CFAP100: variants seen among roughly 807,000 people sequenced by gnomAD.
CFAP100 encodes cilia- and flagella-associated protein 100.
A neutral mutation model predicts 81.5 loss-of-function variants in CFAP100; 70 were observed. The ratio of observed to expected loss-of-function variants is 0.86; its 90% CI spans 0.71 to 1.05. The LOEUF is 1.05. Among genes scored for constraint, CFAP100 ranks in the 50% least tolerant of loss-of-function variants. CFAP100 has a pLI of 0.00. For missense variants in CFAP100, 811 were observed against 776.5 expected, an observed-to-expected ratio of 1.04 and a Z score of -0.53; for synonymous variants, 341 against 314.8, an observed-to-expected ratio of 1.08 and a Z score of -0.88.
At position 126,423,340 on chromosome 3, in the gene CFAP100, C is replaced by T; in HGVS notation, c.1098C>T (p.Ile366=). Reference sequence around the variant, plus strand: ...CTCTTCGCAGGTCGAACTCTCCCATCCCCCCCACGCAGGAGGACACCGACA... The same window carrying T: ...CTCTTCGCAGGTCGAACTCTCCCATTCCCCCCACGCAGGAGGACACCGACA... ...GGDSRGSNSP[I]PPTQEDTDSD... The change falls in exon 12 of 17, where the codon ATC becomes ATT. Residue 366 remains isoleucine (I), a synonymous_variant. Coordinates refer to ENST00000352312, the MANE Select transcript of CFAP100 (RefSeq NM_182628.3). The T allele has an allele frequency of 2.5e-6, 4 of 1,611,476 alleles. No individual in the cohort carries two copies. The highest frequency in any genetic ancestry group is 2.2e-5 in the East Asian group (1 of 44,834).
rs143433382 is a variant in CFAP100, at chr3:126,418,724, C to T, written c.600C>T (p.Phe200=). ...EKSLEKDAAL[F]DEFVRENDCS... is the part of the protein sequence containing the mutation. ...CCCTGGAGAAGGACGCCGCCTTGTT[C>T]GACGAGTTCGTCAGGGAGAATGACT... The change falls in exon 7 of 17, where the codon TTC becomes TTT. Residue 200 remains phenylalanine, a synonymous_variant. Coordinates refer to ENST00000352312, the MANE Select transcript of CFAP100 (RefSeq NM_182628.3). 6.6e-4 allele frequency: 1,050 copies of T among 1,595,418 alleles called. 4 individuals are homozygous for T. In the Middle Eastern group the frequency reaches 0.013, roughly 20 times the overall value.
At chr3:126,433,949 G>C in intron 14 of CFAP100, 1 of 535,070 alleles carries the variant, frequency 1.9e-6, no homozygotes, top group Non-Finnish European at 3.3e-6. Context: ...CTGGGAGAGG[G>C]GCTGGAACCA....
At chr3:126,398,224 G>T (rs1227535428) in intron 2 of CFAP100, among the ~76,000 whole-genome samples, 2 of 152,172 alleles carry the variant, frequency 1.3e-5, no homozygotes, top group Non-Finnish European at 2.9e-5. Context: ...CGGAGCTCTG[G>T]CCCTGCACCC....
rs769447471 is a variant in CFAP100, at chr3:126,418,519, C to T, written c.480C>T (p.Leu160=). The T allele has an allele frequency of 9.9e-6, 16 of 1,614,026 alleles. No individual in the cohort carries two copies. Among genetic ancestry groups the T allele is most frequent in the Non-Finnish European group, 1.1e-5 (13 of 1,180,040 alleles). ...GYIKQKRQMF[L]LQYALDVKRR... Reference sequence around the variant, plus strand: ...TTAAGCAGAAGCGGCAAATGTTCCTCCTCCAGGTAGGTCCCGTGGCCCCCA... The same window carrying T: ...TTAAGCAGAAGCGGCAAATGTTCCTTCTCCAGGTAGGTCCCGTGGCCCCCA... The change falls in exon 6 of 17, where the codon CTC becomes CTT. Residue 160 remains leucine (L), a synonymous_variant. Coordinates refer to ENST00000352312, the MANE Select transcript of CFAP100 (RefSeq NM_182628.3).
chr3:126,402,730 C>G (rs1366635731), intron 2 of CFAP100, among the ~76,000 whole-genome samples: 2 of 151,664 alleles, frequency 1.3e-5, no homozygotes, highest in Non-Finnish European at 2.9e-5. Flanking sequence ...CCTCTAGGCT[C>G]AGGAAGGCCC....
In CFAP100 at chr3:126,419,700, GC is replaced by G; in HGVS notation, c.796del (p.Leu266CysfsTer77). 1 of 1,614,078 alleles carries G rather than the reference GC, an allele frequency of 6.2e-7. No homozygotes were observed. The highest frequency in any genetic ancestry group is 8.5e-7 in the Non-Finnish European group (1 of 1,180,006). On this transcript the variant is annotated frameshift_variant, in exon 9 of 17. Transcript: ENST00000352312. LOFTEE classifies it high-confidence loss of function. ...YKVYKDFLYK[L>X]SPKEWLEEQE... ...AGGTCTATAAGGATTTCCTATACAA[GC>G]TGTCGCCCAAGGAGTGGCTTGAAGA...
chr3:126,430,530 TCTCC>T (rs776331882), intron 13 of CFAP100, among the ~76,000 whole-genome samples: 13 of 152,286 alleles, frequency 8.5e-5, no homozygotes, highest in East Asian at 1.9e-4. Flanking sequence ...CCTTTCTCTC[TCTCC>T]TTTTCCTTGA....
chr3:126,436,208 G>A, intron 16 of CFAP100, 83 bp from the exon 17 acceptor site: 1 of 1,042,370 alleles, frequency 9.6e-7, no homozygotes, highest in East Asian at 2.6e-5. Context: ...GAGCTGCTGG[G>A]CCTCTCCCTG....
At chr3:126,403,738 C>G (rs905938877) in intron 2 of CFAP100, among the ~76,000 whole-genome samples, 1 of 152,124 alleles carries the variant, frequency 6.6e-6, no homozygotes, top group South Asian at 2.1e-4. Flanking sequence ...TTTCCTATCT[C>G]TCCTGAATTA....
intron 11 of CFAP100, 37 bp downstream of exon 11, chr3:126,420,266 T>C (rs774518439): frequency 5.0e-6 from 8 of 1,607,766 alleles, no homozygotes; most frequent in Non-Finnish European, 5.9e-6. Flanking sequence ...GGCTGAGGCC[T>C]AGCGGCGAGC....
Position 126,428,655 on chromosome 3 carries a change from G to A in CFAP100, c.1287-4414G>A, listed in dbSNP as rs1467117434. On this transcript the variant is annotated intron_variant, in intron 13 of 16. Transcript: ENST00000352312. ...TCGTTTTAATGCACTGTTGAATTCT[G>A]TTTGATAGTTTTGGGATGATTTTTG... Among the ~76,000 whole-genome samples, 6 of 152,262 alleles carry A rather than the reference G, an allele frequency of 3.9e-5. No homozygotes were observed. In the East Asian group the frequency reaches 7.7e-4, roughly 20 times the overall value.
At chr3:126,398,253 C>T (rs1437486348) in intron 2 of CFAP100, among the ~76,000 whole-genome samples, 3 of 152,166 alleles carry the variant, frequency 2.0e-5, no homozygotes, top group Non-Finnish European at 4.4e-5. Flanking sequence ...CAGCCCAGTG[C>T]GGGGCCAGTT....
intron 2 of CFAP100, among the ~76,000 whole-genome samples, chr3:126,404,965 G>A (rs920665211): frequency 2.6e-5 from 4 of 152,236 alleles, no homozygotes; most frequent in Non-Finnish European, 4.4e-5. Flanking sequence ...CACCACGCCC[G>A]GTCACAGATG....
intron 3 of CFAP100, among the ~76,000 whole-genome samples, chr3:126,409,041 G>A (rs1031603331): frequency 6.6e-5 from 10 of 152,080 alleles, no homozygotes; most frequent in Admixed American, 5.2e-4. Flanking sequence ...CTTCAGCCTC[G>A]GCCTCCCAAA....
intron 2 of CFAP100, among the ~76,000 whole-genome samples, chr3:126,401,449 ATGT>A (rs2082981306): frequency 8.0e-6 from 1 of 125,426 alleles, no homozygotes; most frequent in East Asian, 2.5e-4. Context: ...ATATAGTATT[ATGT>A]TACTGCAATC....
intron 4 of CFAP100, among the ~76,000 whole-genome samples, chr3:126,415,895 A>G (rs1315516730): frequency 6.6e-6 from 1 of 152,168 alleles, no homozygotes; most frequent in East Asian, 1.9e-4. Context: ...ATGGCCACCA[A>G]CGGTGACCTT....
At chr3:126,408,529 T>C (rs577608681) in intron 3 of CFAP100, among the ~76,000 whole-genome samples, 1 of 152,266 alleles carries the variant, frequency 6.6e-6, no homozygotes, top group East Asian at 1.9e-4. Flanking sequence ...AGTGTCCCCA[T>C]TCTGCATTTG....
At position 126,414,162 on chromosome 3, in the gene CFAP100, CG is replaced by C. The variant is rs761186492; in HGVS notation, c.210del (p.Asn71IlefsTer19). The C allele has an allele frequency of 1.5e-5, 24 of 1,613,298 alleles. 1 individual carries two copies. The highest frequency in any genetic ancestry group is 1.8e-5 in the Non-Finnish European group (21 of 1,179,348). ...TTTCTTCTTGCTCAGAGATCAGGAG[CG>C]GAATAAGGCTCTCTCCGTGAGTATC... The part of the protein sequence containing the change: ...VDFFLLRDQE[R>X]NKALSERQQQ... On this transcript the variant is annotated frameshift_variant, in exon 4 of 17. Coordinates refer to ENST00000352312, the MANE Select transcript of CFAP100 (RefSeq NM_182628.3). LOFTEE classifies it high-confidence loss of function.
intron 13 of CFAP100, among the ~76,000 whole-genome samples, chr3:126,429,294 G>A (rs1933088617): frequency 6.6e-6 from 1 of 152,040 alleles, no homozygotes; most frequent in African/African-American, 2.4e-5. Flanking sequence ...AGTCTTGGTA[G>A]GTTGTATGTT....
Sources: gnomAD v4.1 joint callset for allele counts (sites outside exome capture counted in the v4.1 genomes callset) on GRCh38, gnomAD v4.1.1 for gene constraint, MANE v1.5 for transcripts, NCBI Gene and HGNC (gene_info 2026-07-23, HGNC 2026-07-21) for gene names.